PCDHA8: variants seen among roughly 807,000 people sequenced by gnomAD.
The protein encoded by PCDHA8 is protocadherin alpha-8.
Under a neutral mutation model 61.8 loss-of-function variants are expected in PCDHA8, and 53 were observed. The ratio of observed to expected loss-of-function variants is 0.86; its 90% CI spans 0.69 to 1.08. PCDHA8 has a LOEUF of 1.08. Ranked by LOEUF, PCDHA8 falls within the 50% of genes least tolerant of loss-of-function variation. The pLI is 0.00. For synonymous variants in PCDHA8, 618 were observed against 556.6 expected (o/e 1.11, Z -1.55); for missense variants, 1,293 against 1,245.0 (o/e 1.04, Z -0.58).
intron 1 of PCDHA8, among the ~76,000 whole-genome samples, chr5:140,918,162 A>G (rs1344100803): frequency 1.3e-5 from 2 of 152,122 alleles, no homozygotes; most frequent in Non-Finnish European, 2.9e-5. Context: ...TCTATTGTAA[A>G]TGGCATTGTG....
At chr5:140,872,883 A>G (rs1249618014) in intron 1 of PCDHA8, among the ~76,000 whole-genome samples, 1 of 152,204 alleles carries the variant, frequency 6.6e-6, no homozygotes, top group Non-Finnish European at 1.5e-5. Flanking sequence ...AGTTTCATTC[A>G]TCTCACTTTG....
At chr5:140,988,579 C>T (rs1292742279) in intron 3 of PCDHA8, among the ~76,000 whole-genome samples, 2 of 152,266 alleles carry the variant, frequency 1.3e-5, no homozygotes, top group East Asian at 3.9e-4. Context: ...CACTCTGTAC[C>T]TTCCACTTTT....
At chr5:140,967,626 G>T in intron 1 of PCDHA8, 2 of 1,614,138 alleles carry the variant, frequency 1.2e-6, no homozygotes, top group Non-Finnish European at 1.7e-6. Flanking sequence ...CCGGATGAGG[G>T]CTCCAATGGT....
intron 1 of PCDHA8, among the ~76,000 whole-genome samples, chr5:140,946,629 T>TATATATATATATATATATAC (rs1367833800): frequency 1.4e-4 from 17 of 123,272 alleles, no homozygotes; most frequent in African/African-American, 5.1e-4. Context: ...TATATATATA[T>TATATATATATATATATATAC]ATACAATGGA....
At chr5:140,850,812 A>T in intron 1 of PCDHA8, 1 of 1,598,316 alleles carries the variant, frequency 6.3e-7, no homozygotes, top group Non-Finnish European at 8.6e-7. Context: ...CATGGCCTTC[A>T]GCCCGGGCCT....
intron 1 of PCDHA8, chr5:140,871,301 CGGG>C: frequency 6.2e-7 from 1 of 1,613,916 alleles, no homozygotes; most frequent in East Asian, 2.2e-5. Context: ...GCGTGCGCGC[CGGG>C]GAAGCCCACG....
At chr5:140,955,705 T>G (rs1554222053) in intron 1 of PCDHA8, among the ~76,000 whole-genome samples, 1 of 152,232 alleles carries the variant, frequency 6.6e-6, no homozygotes, top group East Asian at 1.9e-4. Context: ...CAATGGAAGT[T>G]TAATAGGAAT....
intron 3 of PCDHA8, among the ~76,000 whole-genome samples, chr5:140,992,147 G>A (rs1304729438): frequency 2.0e-5 from 3 of 151,714 alleles, no homozygotes; most frequent in Non-Finnish European, 4.4e-5. Context: ...TGCTAACTTT[G>A]CTCAATCAAG....
chr5:140,859,016 T>C (rs926930282), intron 1 of PCDHA8: 1 of 151,606 alleles, frequency 6.6e-6, no homozygotes, highest in African/African-American at 2.4e-5. Context: ...TCTTAGCAAT[T>C]AAGTTAAATG....
chr5:140,937,869 G>C (rs1268422806), intron 1 of PCDHA8, among the ~76,000 whole-genome samples: 1 of 150,376 alleles, frequency 6.6e-6, no homozygotes, highest in South Asian at 2.1e-4. Context: ...CCGAGATCGC[G>C]CCACTGCACT....
At position 140,909,749 on chromosome 5, in the gene PCDHA8, C is replaced by G. The variant is rs141984152; in HGVS notation, c.2394+66034C>G. On this transcript the variant is annotated intron_variant, in intron 1 of 3. Coordinates refer to ENST00000531613, the MANE Select transcript of PCDHA8 (RefSeq NM_018911.3). ...ATGCATTCTGGCACTGGGGAAATGA[C>G]CACAGGATGAGTCCAGGGACCCACT... 2.0e-3 allele frequency among the ~76,000 whole-genome samples: 298 copies of G among 152,232 alleles called. 1 individual carries two copies. Among genetic ancestry groups the G allele is most frequent in the African/African-American group, 6.9e-3 (285 of 41,526 alleles).
chr5:140,935,710 A>C (rs551291942), intron 1 of PCDHA8, among the ~76,000 whole-genome samples: 1 of 152,272 alleles, frequency 6.6e-6, no homozygotes, highest in South Asian at 2.1e-4. Context: ...TATAAAACAA[A>C]ATATATTTAG....
Position 140,966,822 on chromosome 5 carries a change from C to A in PCDHA8, c.2395-12127C>A, listed in dbSNP as rs1329460642. 9 of 1,558,948 alleles carry A rather than the reference C, an allele frequency of 5.8e-6. No individual in the cohort carries two copies. In the Admixed American group the frequency reaches 7.5e-5, roughly 13 times the overall value. On this transcript the variant is annotated intron_variant, in intron 1 of 3. Transcript: ENST00000531613. ...ACAGAGCATCCACGGCTCCGGCGGC[C>A]CATGCCCTGGCTGCTGCTACTGCCT... is the stretch of plus-strand genomic sequence containing the variant.
At chr5:140,871,662 A>G in intron 1 of PCDHA8, 1 of 1,211,512 alleles carries the variant, frequency 8.3e-7, no homozygotes, top group Non-Finnish European at 1.1e-6. Context: ...ACACATCTTC[A>G]GTCTTTTAAT....
chr5:140,966,945 A>C, intron 1 of PCDHA8: 1 of 1,603,804 alleles, frequency 6.2e-7, no homozygotes, highest in Non-Finnish European at 8.5e-7. Context: ...CTCGTGGGCA[A>C]CGTGGCTCGC....
chr5:140,871,386 G>A lies in PCDHA8; in HGVS notation c.2394+27671G>A, dbSNP rs782650816. The A allele has an allele frequency of 3.1e-6, 5 of 1,614,058 alleles. No individual in the cohort carries two copies. In the South Asian group the frequency reaches 4.4e-5, roughly 14 times the overall value. ...GGCGGCAGAGGGTGTGCTCTGAGGA[G>A]GGCCCACCTAAGACGGACCTCATGG... On this transcript the variant is annotated intron_variant, in intron 1 of 3. Coordinates refer to ENST00000531613, the MANE Select transcript of PCDHA8 (RefSeq NM_018911.3).
chr5:140,857,309 G>C lies in PCDHA8; in HGVS notation c.2394+13594G>C, dbSNP rs1287991839. ...GGACCGCGAGAGGGTGTCGGCCTAT[G>C]AGCTGGTGGTGACCGCGCGGGACGG... On this transcript the variant is annotated intron_variant, in intron 1 of 3. Transcript: ENST00000531613. The C allele has an allele frequency of 3.8e-6, 6 of 1,598,670 alleles. 1 individual carries two copies. In the Admixed American group the frequency reaches 1.0e-4, roughly 27 times the overall value.
intron 1 of PCDHA8, chr5:140,966,646 G>T (rs2096032297): frequency 4.4e-6 from 5 of 1,139,570 alleles, no homozygotes; most frequent in Non-Finnish European, 4.6e-6. Flanking sequence ...TTTCTAGAGC[G>T]TGAGCGGTGG....
Position 140,843,354 on chromosome 5 carries a change from C to G in PCDHA8, c.2033C>G (p.Ala678Gly). ...GTGGAGAGCGGCCAGGCTCCAAAAG[C>G]GTCATCGAGGCAGTCGGCTGGCGTT... ...SLVESGQAPK[A>G]SSRQSAGVLG... Residue 678 changes from alanine (A) to glycine (G), a missense_variant, in exon 1 of 4, where the codon GCG (alanine) becomes GGG (glycine). Transcript: ENST00000531613. 1 of 1,596,098 alleles carries G rather than the reference C, an allele frequency of 6.3e-7. No individual in the cohort carries two copies. Among genetic ancestry groups the G allele is most frequent in the East Asian group, 2.2e-5 (1 of 44,826 alleles).
Sources: allele counts gnomAD v4.1 joint callset (sites outside exome capture counted in the v4.1 genomes callset), GRCh38; gene constraint gnomAD v4.1.1; transcripts MANE v1.5; gene names NCBI Gene and HGNC (gene_info 2026-07-23, HGNC 2026-07-21).